The following MTUS2 variants were observed in gnomAD, a reference collection of about 807,000 sequenced individuals.
MTUS2 encodes microtubule-associated tumor suppressor candidate 2.
MTUS2 carries 40 observed loss-of-function variants against 114.1 expected under a neutral mutation model. The observed-to-expected ratio is 0.35, with a 90% CI of 0.27 to 0.46. MTUS2 has a LOEUF of 0.46. MTUS2 is among the 20% of genes least tolerant of loss of function. The pLI is 1.00. For missense variants in MTUS2, 1,679 were observed against 1,705.4 expected (o/e 0.98, Z 0.27); for synonymous variants, 688 against 672.0 (o/e 1.02, Z -0.37).
At chr13:29,217,207 G>A (rs1310547650) in intron 5 of MTUS2, among the ~76,000 whole-genome samples, 1 of 151,460 alleles carries the variant, frequency 6.6e-6, no homozygotes, top group African/African-American at 2.4e-5. Context: ...TTAAAATATA[G>A]TATTTTATGT....
intron 2 of MTUS2, among the ~76,000 whole-genome samples, chr13:28,888,840 G>A (rs59336462): frequency 0.036 from 5,457 of 152,304 alleles, 314 homozygotes; most frequent in African/African-American, 0.12. Context: ...GGTCCCTTGA[G>A]ATATTGCAAG....
chr13:29,299,813 C>T (rs753105679), intron 6 of MTUS2, among the ~76,000 whole-genome samples: 18 of 151,488 alleles, frequency 1.2e-4, no homozygotes, highest in Non-Finnish European at 2.5e-4. Context: ...CATTTTTTTC[C>T]AAGCCCTCTA....
At chr13:29,083,299 G>C (rs1372349872) in intron 4 of MTUS2, among the ~76,000 whole-genome samples, 2 of 152,186 alleles carry the variant, frequency 1.3e-5, no homozygotes, top group Non-Finnish European at 2.9e-5. Context: ...AATGCCTTCA[G>C]AAGAGAATGT....
intron 5 of MTUS2, among the ~76,000 whole-genome samples, chr13:29,207,324 G>A (rs1217690945): frequency 6.6e-6 from 1 of 152,158 alleles, no homozygotes; most frequent in Non-Finnish European, 1.5e-5. Context: ...GAGCTTTTAG[G>A]ATGAGGCTTT....
chr13:28,946,402 T>C (rs1882537472), intron 2 of MTUS2, among the ~76,000 whole-genome samples: 1 of 152,156 alleles, frequency 6.6e-6, no homozygotes, highest in Non-Finnish European at 1.5e-5. Context: ...ATAGGACTTT[T>C]GGAAGCTGAG....
intron 4 of MTUS2, among the ~76,000 whole-genome samples, chr13:29,036,666 A>G (rs921193679): frequency 2.0e-5 from 3 of 152,220 alleles, no homozygotes; most frequent in Non-Finnish European, 4.4e-5. Context: ...GTCTCTAAGA[A>G]CTTGCTTTAT....
chr13:29,106,597 C>T (rs1280052596), intron 5 of MTUS2, among the ~76,000 whole-genome samples: 1 of 152,108 alleles, frequency 6.6e-6, no homozygotes, highest in African/African-American at 2.4e-5. Flanking sequence ...CCTTGTGATC[C>T]ACCTGCCTCG....
rs766954475 is a variant in MTUS2 at position 29,026,069 on chromosome 13, G to A, written c.1371G>A (p.Arg457=). ...SKPLDVIEEE[R]RLGSGNKDSV... Reference sequence around the variant, plus strand: ...CCTTGGATGTCATTGAGGAGGAAAGGCGGTTGGGCAGTGGGAATAAGGACA... The same window carrying A: ...CCTTGGATGTCATTGAGGAGGAAAGACGGTTGGGCAGTGGGAATAAGGACA... The change falls in exon 3 of 16, where the codon AGG becomes AGA. Residue 457 remains arginine, a synonymous_variant. Transcript: ENST00000612955. The A allele has an allele frequency of 5.0e-6, 8 of 1,613,870 alleles. No homozygotes were observed. Among genetic ancestry groups the A allele is most frequent in the African/African-American group, 4.0e-5 (3 of 74,898 alleles).
At chr13:29,425,138 G>T (rs538566068) in intron 8 of MTUS2, among the ~76,000 whole-genome samples, 15 of 152,300 alleles carry the variant, frequency 9.8e-5, no homozygotes, top group Admixed American at 3.3e-4. Context: ...AACAGACCAG[G>T]TGCAGTGGCT....
Position 29,503,331 on chromosome 13 carries a change from G to T in MTUS2, c.*125G>T. On this transcript the variant is annotated 3_prime_UTR_variant, in exon 16 of 16. Coordinates refer to ENST00000612955, the MANE Select transcript of MTUS2 (RefSeq NM_001033602.4). ...GCTCAGTAGCTGCGAATGCATCCTA[G>T]GCGCGTCCTCCTCTGATCCCCGTGT... The T allele has an allele frequency of 9.5e-7, 1 of 1,053,810 alleles. No homozygotes were observed. Among genetic ancestry groups the T allele is most frequent in the Non-Finnish European group, 1.4e-6 (1 of 721,392 alleles). The allele number at this position is 1,053,810 out of a possible 1,614,324, so 65.3% of individuals were successfully genotyped here.
At chr13:29,101,186 C>T (rs1368357428) in intron 5 of MTUS2, among the ~76,000 whole-genome samples, 1 of 152,028 alleles carries the variant, frequency 6.6e-6, no homozygotes, top group Non-Finnish European at 1.5e-5. Context: ...TTGTAACCAC[C>T]TCTTAGGATG....
intron 5 of MTUS2, among the ~76,000 whole-genome samples, chr13:29,188,899 C>G (rs1214364730): frequency 6.6e-6 from 1 of 152,210 alleles, no homozygotes; most frequent in African/African-American, 2.4e-5. Context: ...GCTGCCATTT[C>G]ATGGTCATAT....
At chr13:29,147,144 T>A (rs956190550) in intron 5 of MTUS2, among the ~76,000 whole-genome samples, 8 of 152,180 alleles carry the variant, frequency 5.3e-5, no homozygotes, top group African/African-American at 1.9e-4. Context: ...CATTTTTTTT[T>A]AACCATCATT....
intron 2 of MTUS2, among the ~76,000 whole-genome samples, chr13:28,913,628 A>G (rs919104649): frequency 6.6e-6 from 1 of 152,142 alleles, no homozygotes; most frequent in Non-Finnish European, 1.5e-5. Flanking sequence ...TGCTGGCCTC[A>G]TAGAATGAGT....
At chr13:29,051,276 A>T (rs749007786) in intron 4 of MTUS2, among the ~76,000 whole-genome samples, 12 of 152,170 alleles carry the variant, frequency 7.9e-5, no homozygotes, top group African/African-American at 1.4e-4. Flanking sequence ...AGAGGAACCA[A>T]TCATGACTGC....
In MTUS2 at chr13:29,209,818, T is replaced by C. The variant is rs1895350464; in HGVS notation, c.2645-71886T>C. On this transcript the variant is annotated intron_variant, in intron 5 of 15. Transcript: ENST00000612955. The stretch of plus-strand genomic sequence containing the variant: ...AATGTGCTGTTAATCTGATAGGTAT[T>C]CCTCTATAAGTTACTTGTTACTTTT... Among the ~76,000 whole-genome samples, 2 of 152,230 alleles carry C rather than the reference T, an allele frequency of 1.3e-5. 1 individual carries two copies. Among genetic ancestry groups the C allele is most frequent in the South Asian group, 4.1e-4 (2 of 4,834 alleles).
chr13:28,848,043 C>T (rs553381044), intron 2 of MTUS2, among the ~76,000 whole-genome samples: 1 of 152,300 alleles, frequency 6.6e-6, no homozygotes, highest in South Asian at 2.1e-4. Context: ...AATATAAGAC[C>T]TGTCCCACAC....
chr13:29,046,716 A>AT lies in MTUS2; in HGVS notation c.2446+12591_2446+12592insT, dbSNP rs1887635423. Among the ~76,000 whole-genome samples, 3 of 151,596 alleles carry AT rather than the reference A, an allele frequency of 2.0e-5. No individual in the cohort carries two copies. The South Asian group carries it at 6.2e-4, about 32-fold the overall frequency. On this transcript the variant is annotated intron_variant, in intron 4 of 15. Transcript: ENST00000612955. ...AATCTTTTATTCTTTGATTCATAGT[A>AT]CCCCTCCCCCACCTCCTTTTGTCCT...
At position 29,385,066 on chromosome 13, in the gene MTUS2, A is replaced by G. The variant is rs540468868; in HGVS notation, c.3117+25593A>G. Among the ~76,000 whole-genome samples, 7 of 152,342 alleles carry G rather than the reference A, an allele frequency of 4.6e-5. No individual in the cohort carries two copies. The South Asian group carries it at 1.4e-3, about 32-fold the overall frequency. ...TGGACCAGCCACTCTGCTGGGCTCC[A>G]GAGTTCAGCAGGGAGCAAGACCAAC... On this transcript the variant is annotated intron_variant, in intron 8 of 15. Transcript: ENST00000612955.
Sources: allele counts gnomAD v4.1 joint callset (sites outside exome capture counted in the v4.1 genomes callset), GRCh38; gene constraint gnomAD v4.1.1; transcripts MANE v1.5; gene names NCBI Gene and HGNC (gene_info 2026-07-23, HGNC 2026-07-21).